Variants in CAST observed in about 807,000 individuals in gnomAD.
CAST encodes the protein MIR583 host.
CAST carries 76 observed loss-of-function variants against 119.6 expected under a neutral mutation model. The observed-to-expected ratio is 0.64, with a 90% CI of 0.53 to 0.77. The LOEUF is 0.77. Among genes scored for constraint, CAST ranks in the 30% least tolerant of loss-of-function variants. The pLI is 0.00. For missense variants in CAST, 953 were observed against 946.5 expected, an observed-to-expected ratio of 1.01 and a Z score of -0.09; for synonymous variants, 319 against 331.6, an observed-to-expected ratio of 0.96 and a Z score of 0.41.
At chr5:96,471,790 G>GTGTGTGTTTGTA in the CAST span, among the ~76,000 whole-genome samples, 1 of 151,776 alleles carries the variant, frequency 6.6e-6, no homozygotes, top group Non-Finnish European at 1.5e-5. Context: ...GTGTGTGTGT[G>GTGTGTGTTTGTA]TGTGTGTGAT....
rs770654640 is a variant in CAST at position 96,743,544 on chromosome 5, C to T, written c.1200+788C>T. On this transcript the variant is annotated intron_variant, in intron 16 of 31. Coordinates refer to ENST00000675179, the MANE Select transcript of CAST (RefSeq NM_001750.7). ...TCACAATGCCCCATCTCTGCTGTCA[C>T]TTCCTGTTCTGAGTCATCAGGGAAG... is the stretch of plus-strand genomic sequence containing the variant. The T allele has an allele frequency of 5.8e-6, 9 of 1,539,296 alleles. No homozygotes were observed. In the East Asian group the frequency reaches 1.9e-4, roughly 33 times the overall value.
chr5:96,666,328 A>G (rs1023827142), intron 1 of CAST, among the ~76,000 whole-genome samples: 1 of 152,122 alleles, frequency 6.6e-6, no homozygotes, highest in Non-Finnish European at 1.5e-5. Flanking sequence ...GAGCTATGTA[A>G]TGATCAAGCA....
chr5:96,174,361 A>C, the CAST span, among the ~76,000 whole-genome samples: 1 of 152,220 alleles, frequency 6.6e-6, no homozygotes, highest in East Asian at 1.9e-4. Context: ...TCCATGAAAC[A>C]ATCATTAGAC....
the CAST span, among the ~76,000 whole-genome samples, chr5:96,113,912 T>G: frequency 2.1e-3 from 319 of 152,358 alleles, 2 homozygotes; most frequent in Non-Finnish European, 3.2e-3. Context: ...CAGATGACTA[T>G]GTGCATTATA....
the CAST span, among the ~76,000 whole-genome samples, chr5:96,402,119 G>T: frequency 6.6e-6 from 1 of 152,180 alleles, no homozygotes; most frequent in Non-Finnish European, 1.5e-5. Flanking sequence ...TCTCCCCAGA[G>T]CCCATCATGT....
the CAST span, among the ~76,000 whole-genome samples, chr5:96,166,943 C>T: frequency 3.3e-5 from 5 of 152,014 alleles, no homozygotes; most frequent in African/African-American, 9.7e-5. Flanking sequence ...AGTGGGATTA[C>T]GAGCGGCTTG....
the CAST span, among the ~76,000 whole-genome samples, chr5:96,049,511 A>C: frequency 6.6e-6 from 1 of 152,206 alleles, no homozygotes; most frequent in African/African-American, 2.4e-5. Context: ...AGATTGTACA[A>C]GCGTCAGGGG....
chr5:96,556,021 G>A (rs1000837875), intron 1 of CAST, among the ~76,000 whole-genome samples: 1 of 152,154 alleles, frequency 6.6e-6, no homozygotes, highest in African/African-American at 2.4e-5. Context: ...ACTTCCAGAG[G>A]AACAATCAGG....
the CAST span, among the ~76,000 whole-genome samples, chr5:95,996,527 A>G: frequency 6.6e-6 from 1 of 152,320 alleles, no homozygotes; most frequent in African/African-American, 2.4e-5. Context: ...AGCACTGAGA[A>G]TATTATACAA....
intron 3 of CAST, among the ~76,000 whole-genome samples, chr5:96,710,585 C>T (rs1755919558): frequency 6.6e-6 from 1 of 152,140 alleles, no homozygotes. Flanking sequence ...AACCACTGAG[C>T]TACAGTGTTA....
the CAST span, among the ~76,000 whole-genome samples, chr5:96,028,708 G>A: frequency 2.0e-5 from 3 of 152,100 alleles, no homozygotes; most frequent in Non-Finnish European, 4.4e-5. Context: ...GCAGAAATAA[G>A]TCTTGCTAAA....
intron 25 of CAST, chr5:96,763,024 AC>A (rs1293161868): frequency 1.4e-6 from 1 of 702,684 alleles, no homozygotes; most frequent in African/African-American, 1.7e-5. Context: ...AGACCACAGC[AC>A]ATCAAATTAT....
chr5:96,502,117 T>C, the CAST span, among the ~76,000 whole-genome samples: 1 of 152,184 alleles, frequency 6.6e-6, no homozygotes, highest in Non-Finnish European at 1.5e-5. Flanking sequence ...ATGTGATAGT[T>C]CCACCCTGTA....
At chr5:96,324,733 C>T in the CAST span, among the ~76,000 whole-genome samples, 1 of 152,114 alleles carries the variant, frequency 6.6e-6, no homozygotes, top group African/African-American at 2.4e-5. Context: ...AAAATAGTCT[C>T]TTAATGTGTG....
the CAST span, among the ~76,000 whole-genome samples, chr5:96,287,771 C>T: frequency 3.3e-5 from 5 of 152,020 alleles, no homozygotes; most frequent in African/African-American, 1.2e-4. Flanking sequence ...ATTAAAATAA[C>T]TGAAGAATTT....
rs1302723798 is a variant in CAST at position 96,534,786 on chromosome 5, AAAGAAAGAAAGAAAG to A, written c.60+4924_60+4938del. ...GAAAGAAAGAAAGAAAGAAAGAAAG[AAAGAAAGAAAGAAAG>A]AAGAAAGAAAGAAAGAAAGAAAAGA... On this transcript the variant is annotated intron_variant, in intron 1 of 11. Coordinates refer to the CAST transcript ENST00000505143. Among the ~76,000 whole-genome samples the A allele has an allele frequency of 4.0e-4, 52 of 131,432 alleles. 3 individuals carry two copies. The highest frequency in any genetic ancestry group is 1.2e-3 in the African/African-American group (42 of 34,348). 86.2% of individuals were successfully genotyped at this position (131,432 alleles called of 152,430 possible).
At chr5:96,114,779 C>A in the CAST span, among the ~76,000 whole-genome samples, 1 of 152,174 alleles carries the variant, frequency 6.6e-6, no homozygotes, top group Admixed American at 6.5e-5. Flanking sequence ...GCCCCTAAGA[C>A]CTCATCTTTC....
the CAST span, among the ~76,000 whole-genome samples, chr5:96,226,771 C>A: frequency 1.3e-5 from 2 of 152,170 alleles, no homozygotes; most frequent in Non-Finnish European, 2.9e-5. Flanking sequence ...CTTTCTCCCC[C>A]ACTTGTTCTA....
intron 1 of CAST, among the ~76,000 whole-genome samples, chr5:96,534,869 GAGAAAGAAAGAAA>G (rs1370488162): frequency 4.3e-5 from 6 of 140,406 alleles, no homozygotes; most frequent in South Asian, 2.3e-4. Flanking sequence ...GGGAAGGAAG[GAGAAAGAAAGAAA>G]AGAAAGAAAG....
Sources: allele counts gnomAD v4.1 joint callset (sites outside exome capture counted in the v4.1 genomes callset), GRCh38; gene constraint gnomAD v4.1.1; transcripts MANE v1.5; gene names NCBI Gene and HGNC (gene_info 2026-07-23, HGNC 2026-07-21).